FGD5: variants seen among roughly 807,000 people sequenced by gnomAD.
FGD5 encodes the protein FYVE, RhoGEF and PH domain containing 5.
FGD5 carries 28 observed loss-of-function variants against 133.4 expected under a neutral mutation model. The observed-to-expected ratio is 0.21, with a 90% confidence interval of 0.16 to 0.29. The LOEUF is 0.29. FGD5 is among the 10% of genes least tolerant of loss of function. FGD5 has a pLI of 1.00. For synonymous variants in FGD5, 810 were observed against 776.5 expected (o/e 1.04, Z -0.72); for missense variants, 1,858 against 1,895.2 (o/e 0.98, Z 0.36).
chr3:14,871,064 C>T (rs139673971), intron 2 of FGD5, among the ~76,000 whole-genome samples: 8 of 152,346 alleles, frequency 5.3e-5, no homozygotes, highest in African/African-American at 1.9e-4. Flanking sequence ...GTGCTCCCTG[C>T]CCTTTGCCTG....
intron 1 of FGD5, among the ~76,000 whole-genome samples, chr3:14,849,768 C>T (rs2037122756): frequency 6.6e-6 from 1 of 152,170 alleles, no homozygotes; most frequent in African/African-American, 2.4e-5. Context: ...GCACCTGTTT[C>T]TCCATCCGTA....
In FGD5 at chr3:14,853,756, A is replaced by G. The variant is rs970148171; in HGVS notation, c.2526-10372A>G. 3.5e-5 allele frequency among the ~76,000 whole-genome samples: 5 copies of G among 141,642 alleles called. No individual in the cohort carries two copies. In the East Asian group the frequency reaches 1.1e-3, roughly 31 times the overall value. 92.9% of individuals were successfully genotyped at this position (141,642 alleles called of 152,430 possible). The stretch of plus-strand genomic sequence containing the variant: ...CGGAATTAAATGGTCAGAGTTGGAC[A>G]GCACCAGGCCGGGTTACACAGCGTT... On this transcript the variant is annotated intron_variant, in intron 1 of 19. Coordinates refer to ENST00000285046, the MANE Select transcript of FGD5 (RefSeq NM_152536.4).
At chr3:14,880,667 A>T (rs373811300) in intron 3 of FGD5, 37 bp downstream of exon 3, 18 of 1,613,922 alleles carry the variant, frequency 1.1e-5, no homozygotes, top group Non-Finnish European at 1.4e-5. Context: ...CCTTGAGCTT[A>T]TAAACAAAAC....
chr3:14,907,403 C>G (rs2038360611), intron 9 of FGD5, among the ~76,000 whole-genome samples: 1 of 152,192 alleles, frequency 6.6e-6, no homozygotes, highest in Non-Finnish European at 1.5e-5. Context: ...CACAGGGATG[C>G]TGGACAGCAC....
intron 1 of FGD5, among the ~76,000 whole-genome samples, chr3:14,847,101 T>G (rs549389492): frequency 3.9e-5 from 6 of 152,286 alleles, no homozygotes; most frequent in South Asian, 2.1e-4. Context: ...ACATAAGCTG[T>G]CAGTGTAGCC....
rs2125066619 is a variant in FGD5 at position 14,819,131 on chromosome 3, G to A, written c.60G>A (p.Glu20=). The change falls in exon 1 of 20, where the codon GAG becomes GAA. Residue 20 remains glutamate (E), a synonymous_variant. Coordinates refer to ENST00000285046, the MANE Select transcript of FGD5 (RefSeq NM_152536.4). The surrounding 1 kb of genome is among the most constrained non-coding windows in gnomAD (Gnocchi z 4.1). ...AGCCCAGGCTGACTGCCCCAAACGAGTGGAGAGCCAGTGTGTACCTGAATG... is the reference window on the plus strand; with the variant it reads ...AGCCCAGGCTGACTGCCCCAAACGAATGGAGAGCCAGTGTGTACCTGAATG... ...APKPRLTAPN[E]WRASVYLNDS... 1 of 1,551,128 alleles carries A rather than the reference G, an allele frequency of 6.4e-7. No individual in the cohort carries two copies. Among genetic ancestry groups the A allele is most frequent in the South Asian group, 1.2e-5 (1 of 84,028 alleles).
At chr3:14,826,255 C>A (rs2036596015) in intron 1 of FGD5, among the ~76,000 whole-genome samples, 2 of 152,202 alleles carry the variant, frequency 1.3e-5, no homozygotes, top group South Asian at 2.1e-4. Context: ...CACTCGCTCT[C>A]TCTTTCTTCC....
intron 4 of FGD5, among the ~76,000 whole-genome samples, chr3:14,895,568 T>A (rs1280203723): frequency 6.6e-6 from 1 of 152,136 alleles, no homozygotes; most frequent in Non-Finnish European, 1.5e-5. Flanking sequence ...TTTTTTGTTT[T>A]GTTTTTTTGT....
chr3:14,836,514 G>A (rs935446593), intron 1 of FGD5, among the ~76,000 whole-genome samples: 2 of 152,374 alleles, frequency 1.3e-5, no homozygotes, highest in South Asian at 2.1e-4. Context: ...AGCACCGTGA[G>A]TGAGGAGAGT....
intron 1 of FGD5, among the ~76,000 whole-genome samples, chr3:14,849,099 G>C (rs958474795): frequency 6.6e-6 from 1 of 152,230 alleles, no homozygotes; most frequent in Admixed American, 6.5e-5. Flanking sequence ...TCACGTGTCT[G>C]GGTCCAAGTG....
In FGD5 at chr3:14,923,127, T is replaced by C. The variant is rs1209488883; in HGVS notation, c.3889T>C (p.Phe1297Leu). 4 of 1,613,734 alleles carry C rather than the reference T, an allele frequency of 2.5e-6. No individual in the cohort carries two copies. The South Asian group carries it at 4.4e-5, about 18-fold the overall frequency. ...DRMAKVCDGC[F>L]GELKKRGRAV... ...GATGGCCAAGGTCTGCGACGGCTGC[T>C]TCGGGGAGCTGAAGAAGCGGGGCAG... The change falls in exon 16 of 20, where the codon TTC becomes CTC. Residue 1297 changes from phenylalanine to leucine, a missense_variant. Physicochemically the swap from Phe to Leu is conservative, Grantham distance 22. Coordinates refer to ENST00000285046, the MANE Select transcript of FGD5 (RefSeq NM_152536.4).
chr3:14,817,628 C>T (rs563628347), upstream of FGD5, among the ~76,000 whole-genome samples: 1 of 152,330 alleles, frequency 6.6e-6, no homozygotes, highest in African/African-American at 2.4e-5. Flanking sequence ...CAACACTGGG[C>T]CTAACATGAG....
chr3:14,889,450 C>T (rs905598710), intron 4 of FGD5, among the ~76,000 whole-genome samples: 3 of 152,118 alleles, frequency 2.0e-5, no homozygotes, highest in African/African-American at 4.8e-5. Context: ...AGCCTATAGT[C>T]GGGTTGTCTG....
intron 13 of FGD5, 40 bp downstream of exon 13, chr3:14,918,873 G>C: frequency 6.2e-7 from 1 of 1,604,196 alleles, no homozygotes; most frequent in Non-Finnish European, 8.5e-7. Context: ...CAAGGCAGAG[G>C]TGTGAGCATG....
chr3:14,881,753 C>T (rs887211951), intron 4 of FGD5, among the ~76,000 whole-genome samples: 2 of 152,176 alleles, frequency 1.3e-5, no homozygotes, highest in Non-Finnish European at 2.9e-5. Context: ...GATGTGGAAG[C>T]CCAGAGGAGG....
chr3:14,897,996 C>A lies in FGD5; in HGVS notation c.2967C>A (p.His989Gln), dbSNP rs781253785. ...TGGCCCGGGAGCAGGGGTTTGATCA[C>A]CACGCCACTCACATCCTGCAGTTCG... ...VFLAREQGFDHHATHILQFDR... is the reference protein window; with the variant it reads ...VFLAREQGFDQHATHILQFDR... The change falls in exon 6 of 20, where the codon CAC becomes CAA. Residue 989 changes from histidine (H) to glutamine (Q), a missense_variant. Physicochemically the swap from His to Gln is conservative, Grantham distance 24. This residue lies in a region of FGD5 where 1,824 missense variants were observed against 1,848.9 expected (regional missense o/e 0.99). Coordinates refer to ENST00000285046, the MANE Select transcript of FGD5 (RefSeq NM_152536.4). The A allele has an allele frequency of 6.2e-7, 1 of 1,613,898 alleles. No individual in the cohort carries two copies. Among genetic ancestry groups the A allele is most frequent in the Non-Finnish European group, 8.5e-7 (1 of 1,179,862 alleles).
chr3:14,822,589 C>G (rs993336753), intron 1 of FGD5, among the ~76,000 whole-genome samples: 1 of 151,824 alleles, frequency 6.6e-6, no homozygotes, highest in Non-Finnish European at 1.5e-5. Context: ...TCCCAAGACT[C>G]TGAATGCCCC....
At chr3:14,892,696 G>A (rs1156923362) in intron 4 of FGD5, among the ~76,000 whole-genome samples, 3 of 152,138 alleles carry the variant, frequency 2.0e-5, no homozygotes, top group Non-Finnish European at 2.9e-5. Context: ...GCAGGTGCCT[G>A]TAATCTCAGG....
intron 1 of FGD5, among the ~76,000 whole-genome samples, chr3:14,844,209 AAAAAAAAAAT>A (rs1437827254): frequency 1.4e-3 from 37 of 26,876 alleles, no homozygotes; most frequent in Non-Finnish European, 1.9e-3. Flanking sequence ...GGCATTAAAA[AAAAAAAAAAT>A]ATATATATAT....
Sources: gnomAD v4.1 joint callset for allele counts (sites outside exome capture counted in the v4.1 genomes callset) on GRCh38, gnomAD v4.1.1 for gene constraint, gnomAD v4.1.1 regional missense constraint, Gnocchi (gnomAD v3.1) non-coding constraint, MANE v1.5 for transcripts, NCBI Gene and HGNC (gene_info 2026-07-23, HGNC 2026-07-21) for gene names.